The following DPYSL2 variants were observed in gnomAD, a reference collection of about 807,000 sequenced individuals.
DPYSL2 encodes dihydropyrimidinase-related protein 2.
In DPYSL2, 13 loss-of-function variants were observed where a neutral mutation model predicts 69.9. That is an observed-to-expected ratio of 0.19 (90% confidence interval 0.12 to 0.30). DPYSL2 has a LOEUF of 0.30. Ranked by LOEUF, DPYSL2 falls within the 10% of genes least tolerant of loss-of-function variation. The probability of loss-of-function intolerance (pLI) is 1.00; values close to 1 mark genes in which losing one functional copy is unlikely to be tolerated. For synonymous variants in DPYSL2, 326 were observed against 359.1 expected, an observed-to-expected ratio of 0.91 and a Z score of 1.04; for missense variants, 587 against 918.9, an observed-to-expected ratio of 0.64 and a Z score of 4.67.
rs1190544471 is a variant in DPYSL2, at chr8:26,653,554, T to A, written c.1942+157T>A. Among the ~76,000 whole-genome samples the A allele has an allele frequency of 6.6e-6, 1 of 152,158 alleles. No homozygotes were observed. The highest frequency in any genetic ancestry group is 1.5e-5 in the Non-Finnish European group (1 of 68,028). On this transcript the variant is annotated intron_variant, in intron 13 of 13. Transcript: ENST00000521913. This position sits in a 1 kb window ranked among gnomAD's most constrained non-coding sequence, Gnocchi z 5.7. ...TACAGTGGACTCAGATCTCTGGAGA[T>A]GTATTTTCTTTTTCTTTTTTTTGAG...
chr8:26,586,072 T>C lies in DPYSL2; in HGVS notation c.628+2089T>C, dbSNP rs1801593741. Among the ~76,000 whole-genome samples the C allele has an allele frequency of 6.6e-6, 1 of 152,050 alleles. No individual in the cohort carries two copies. The highest frequency in any genetic ancestry group is 1.5e-5 in the Non-Finnish European group (1 of 68,002). ...GAGCTGAGATTGCACCACTGCACTC[T>C]ATCCTGAGCAATAGAGTGAGACTCC... On this transcript the variant is annotated intron_variant, in intron 3 of 13. Transcript: ENST00000521913. The surrounding 1 kb of genome is among the most constrained non-coding windows in gnomAD (Gnocchi z 4.7).
At chr8:26,566,698 A>G (rs1273416582) in intron 1 of DPYSL2, among the ~76,000 whole-genome samples, 1 of 152,156 alleles carries the variant, frequency 6.6e-6, no homozygotes, top group Non-Finnish European at 1.5e-5. Flanking sequence ...GAGGCCTAAG[A>G]CAGGACCTGG....
In DPYSL2 at chr8:26,644,351, G is replaced by T. The variant is rs1195482941; in HGVS notation, c.1425+260G>T. On this transcript the variant is annotated intron_variant, in intron 10 of 13. Coordinates refer to ENST00000521913, the MANE Select transcript of DPYSL2 (RefSeq NM_001197293.3). This position sits in a 1 kb window ranked among gnomAD's most constrained non-coding sequence, Gnocchi z 4.5. ...CAGACAAGGTCTTGCTCTGTCACCA[G>T]GCTGGAGTGCAGTGGTACAATCATA... Among the ~76,000 whole-genome samples, 2 of 152,136 alleles carry T rather than the reference G, an allele frequency of 1.3e-5. No individual in the cohort carries two copies. Among genetic ancestry groups the T allele is most frequent in the Non-Finnish European group, 2.9e-5 (2 of 68,030 alleles).
chr8:26,617,948 G>A lies in DPYSL2; in HGVS notation c.629-6195G>A, dbSNP rs1196508173. ...TTGCAATGGTTGTAAAGCTCTGTGA[G>A]TGAACTAAAAGCCACCGGGTTATAC... On this transcript the variant is annotated intron_variant, in intron 3 of 13. Coordinates refer to ENST00000521913, the MANE Select transcript of DPYSL2 (RefSeq NM_001197293.3). The surrounding 1 kb of genome is among the most constrained non-coding windows in gnomAD (Gnocchi z 4.7). Among the ~76,000 whole-genome samples the A allele has an allele frequency of 6.6e-6, 1 of 152,142 alleles. No homozygotes were observed. The highest frequency in any genetic ancestry group is 2.4e-5 in the African/African-American group (1 of 41,424).
chr8:26,555,081 A>ACAC (rs1800924336), intron 1 of DPYSL2, among the ~76,000 whole-genome samples: 1 of 30,282 alleles, frequency 3.3e-5, no homozygotes, highest in Non-Finnish European at 9.7e-5. Flanking sequence ...TTAGTGATAG[A>ACAC]TAGAAAGCTA....
chr8:26,634,529 G>A (rs1802856285), intron 7 of DPYSL2, among the ~76,000 whole-genome samples: 1 of 146,576 alleles, frequency 6.8e-6, no homozygotes, highest in Admixed American at 7.0e-5. Flanking sequence ...TAATCCACCT[G>A]CCTCAGCCTC....
chr8:26,528,694 T>G (rs117340240), intron 1 of DPYSL2, among the ~76,000 whole-genome samples: 2,396 of 148,622 alleles, frequency 0.016, 18 homozygotes, highest in Middle Eastern at 0.031. Context: ...AAGAAAGAAA[T>G]AATACTCACA....
chr8:26,518,322 G>A (rs1187031511), intron 1 of DPYSL2, among the ~76,000 whole-genome samples: 1 of 152,130 alleles, frequency 6.6e-6, no homozygotes, highest in Non-Finnish European at 1.5e-5. Context: ...ACCCACCCGG[G>A]TTCAAAAGGA....
rs1400524857 is a variant in DPYSL2, at chr8:26,517,148, A to C, written c.354+2469A>C. 6.6e-6 allele frequency among the ~76,000 whole-genome samples: 1 copy of C among 152,116 alleles called. No individual in the cohort carries two copies. The highest frequency in any genetic ancestry group is 6.6e-5 in the Admixed American group (1 of 15,260). On this transcript the variant is annotated intron_variant, in intron 1 of 13. Coordinates refer to ENST00000521913, the MANE Select transcript of DPYSL2 (RefSeq NM_001197293.3). This position sits in a 1 kb window ranked among gnomAD's most constrained non-coding sequence, Gnocchi z 4.2. ...TCTCTTGCAGCTTTATTTATGTGTT[A>C]CTAATGTATGGTCAGATGTGGCTTT...
At chr8:26,595,147 CCA>C (rs200346563) in intron 3 of DPYSL2, among the ~76,000 whole-genome samples, 7,550 of 152,074 alleles carry the variant, frequency 0.05, 274 homozygotes, top group South Asian at 0.16. Context: ...TGCTTGAGCC[CCA>C]GAGTTTGAGG....
Position 26,582,678 on chromosome 8 carries a change from G to A in DPYSL2, c.443+621G>A, listed in dbSNP as rs1801515968. 6.6e-6 allele frequency among the ~76,000 whole-genome samples: 1 copy of A among 152,174 alleles called. No homozygotes were observed. ...GTTTGGGTATTTTTGGACGCCAGAG[G>A]GTTAAGGAAGCTGAGTTCATCCCAG... On this transcript the variant is annotated intron_variant, in intron 2 of 13. Transcript: ENST00000521913. This position sits in a 1 kb window ranked among gnomAD's most constrained non-coding sequence, Gnocchi z 4.1.
intron 11 of DPYSL2, among the ~76,000 whole-genome samples, chr8:26,651,136 A>G (rs1263590163): frequency 6.6e-6 from 1 of 152,280 alleles, no homozygotes. Flanking sequence ...CCTCTCTGCT[A>G]TGGTTCCTTT....
At chr8:26,577,671 G>A (rs1489605685) in intron 1 of DPYSL2, among the ~76,000 whole-genome samples, 2 of 150,732 alleles carry the variant, frequency 1.3e-5, no homozygotes, top group Admixed American at 6.6e-5. Flanking sequence ...GCCTGGGGCC[G>A]CCGCCAAACC....
rs571176428 is a variant in DPYSL2 at position 26,597,943 on chromosome 8, A to G, written c.628+13960A>G. Among the ~76,000 whole-genome samples, 1 of 152,256 alleles carries G rather than the reference A, an allele frequency of 6.6e-6. No homozygotes were observed. Among genetic ancestry groups the G allele is most frequent in the African/African-American group, 2.4e-5 (1 of 41,550 alleles). ...TGAGGCCCAACCTTCTTGATGATGCATCTTCATGGAGCTGGGAGACCTTCG... is the reference window on the plus strand; with the variant it reads ...TGAGGCCCAACCTTCTTGATGATGCGTCTTCATGGAGCTGGGAGACCTTCG... On this transcript the variant is annotated intron_variant, in intron 3 of 13. Coordinates refer to ENST00000521913, the MANE Select transcript of DPYSL2 (RefSeq NM_001197293.3). The surrounding 1 kb of genome is among the most constrained non-coding windows in gnomAD (Gnocchi z 5.2).
At chr8:26,615,583 G>A (rs115528304) in intron 3 of DPYSL2, among the ~76,000 whole-genome samples, 25 of 152,252 alleles carry the variant, frequency 1.6e-4, no homozygotes, top group African/African-American at 6.0e-4. Flanking sequence ...CAGGTGTGAT[G>A]TTTGGTCTGT....
intron 1 of DPYSL2, among the ~76,000 whole-genome samples, chr8:26,579,782 G>A (rs2129724026): frequency 6.6e-6 from 1 of 152,314 alleles, no homozygotes; most frequent in Non-Finnish European, 1.5e-5. Context: ...GCAGGAGGAA[G>A]GAGTGGTGAC....
rs1803101079 is a variant in DPYSL2 at position 26,643,626 on chromosome 8, A to G, written c.1283+31A>G. On this transcript the variant is annotated intron_variant, in intron 9 of 13. Coordinates refer to ENST00000521913, the MANE Select transcript of DPYSL2 (RefSeq NM_001197293.3). This position sits in a 1 kb window ranked among gnomAD's most constrained non-coding sequence, Gnocchi z 6.5. ...TCCTGGCGACTTGTTCACACTTCAC[A>G]TTCTGTCTTTCTTCAGACCAGACTG... 1 of 1,614,106 alleles carries G rather than the reference A, an allele frequency of 6.2e-7. No homozygotes were observed. Among genetic ancestry groups the G allele is most frequent in the East Asian group, 2.2e-5 (1 of 44,876 alleles).
intron 1 of DPYSL2, chr8:26,578,518 A>AC (rs1801411388): frequency 7.0e-7 from 1 of 1,422,216 alleles, no homozygotes; most frequent in South Asian, 1.5e-5. Context: ...GCGCGAGTGC[A>AC]CGAAGGTAGC....
intron 1 of DPYSL2, among the ~76,000 whole-genome samples, chr8:26,573,599 C>T (rs1286181714): frequency 4.2e-5 from 6 of 141,892 alleles, no homozygotes; most frequent in African/African-American, 1.0e-4. Context: ...ACCCAGAAGG[C>T]GGAGCTTGCA....
Sources: gnomAD v4.1 joint callset for allele counts (sites outside exome capture counted in the v4.1 genomes callset) on GRCh38, gnomAD v4.1.1 for gene constraint, Gnocchi (gnomAD v3.1) non-coding constraint, MANE v1.5 for transcripts, NCBI Gene and HGNC (gene_info 2026-07-23, HGNC 2026-07-21) for gene names.